The following CPAMD8 variants were observed in gnomAD, a reference collection of about 807,000 sequenced individuals.
CPAMD8 encodes the protein C3 and PZP-like alpha-2-macroglobulin domain-containing protein 8.
CPAMD8 carries 146 observed loss-of-function variants against 224.7 expected under a neutral mutation model. The observed-to-expected ratio is 0.65, with a 90% CI of 0.57 to 0.75. CPAMD8 has a LOEUF of 0.75. Among genes scored for constraint, CPAMD8 ranks in the 30% least tolerant of loss-of-function variants. The pLI is 0.00. For missense variants in CPAMD8, 2,301 were observed against 2,537.5 expected (o/e 0.91, Z 2.00); for synonymous variants, 966 against 1,044.6 (o/e 0.92, Z 1.45).
chr19:16,929,237 C>G lies in CPAMD8; in HGVS notation c.2849G>C (p.Arg950Thr). The G allele has an allele frequency of 6.3e-7, 1 of 1,598,022 alleles. No homozygotes were observed. Among genetic ancestry groups the G allele is most frequent in the Non-Finnish European group, 8.6e-7 (1 of 1,168,396 alleles). The part of the protein sequence containing the change: ...TYSAFFCPSE[R>T]VHISTPNKYE... Reference sequence around the variant, plus strand: ...CTTGTTGGGGGTGGAGATGTGGACTCTCTCTGGATGGAGGAAAGGAGATGG... The same window carrying G: ...CTTGTTGGGGGTGGAGATGTGGACTGTCTCTGGATGGAGGAAAGGAGATGG... Residue 950 changes from arginine (R) to threonine (T), a missense_variant, in exon 24 of 42, where the codon AGA becomes ACA. By Grantham distance (71) the Arg-to-Thr change is moderately conservative. Around this residue, in one of 4 missense-constraint regions of CPAMD8, gnomAD observed 1,709 missense variants for 1,753.2 expected, o/e 0.97. Coordinates refer to ENST00000443236, the MANE Select transcript of CPAMD8 (RefSeq NM_015692.5).
chr19:16,967,866 T>C (rs2054888199), intron 18 of CPAMD8, among the ~76,000 whole-genome samples: 1 of 137,552 alleles, frequency 7.3e-6, no homozygotes, highest in Non-Finnish European at 1.6e-5. Context: ...TATATACTTG[T>C]ATATATGTGC....
intron 8 of CPAMD8, among the ~76,000 whole-genome samples, chr19:17,004,055 G>A (rs1157063803): frequency 2.0e-5 from 3 of 151,820 alleles, no homozygotes; most frequent in African/African-American, 4.8e-5. Flanking sequence ...ACAGGTGCGC[G>A]CCACCACGCC....
intron 11 of CPAMD8, among the ~76,000 whole-genome samples, chr19:16,994,775 C>T (rs1599867694): frequency 6.6e-6 from 1 of 152,222 alleles, no homozygotes; most frequent in East Asian, 1.9e-4. Context: ...CCACCTTGGT[C>T]TCCCAAAGTG....
intron 10 of CPAMD8, 56 bp from the exon 11 acceptor site, chr19:16,997,394 G>T: frequency 9.6e-7 from 1 of 1,044,372 alleles, no homozygotes; most frequent in Non-Finnish European, 1.5e-6. Flanking sequence ...GTCTTTGAGG[G>T]ATGTCCCTGA....
At chr19:16,932,575 T>C (rs2053576413) in intron 23 of CPAMD8, among the ~76,000 whole-genome samples, 1 of 150,594 alleles carries the variant, frequency 6.6e-6, no homozygotes, top group African/African-American at 2.5e-5. Context: ...ATAGGAAGCT[T>C]CAATAATAAA....
At chr19:17,001,412 A>AGGGC (rs1397745299) in intron 9 of CPAMD8, among the ~76,000 whole-genome samples, 1 of 67,078 alleles carries the variant, frequency 1.5e-5, no homozygotes, top group Non-Finnish European at 2.9e-5. Context: ...AGGCCTGCAG[A>AGGGC]GGGCGGGGAG....
At position 16,943,064 on chromosome 19, in the gene CPAMD8, G is replaced by A. The variant is rs59747524; in HGVS notation, c.2793+2485C>T. 9.8e-3 allele frequency among the ~76,000 whole-genome samples: 1,397 copies of A among 142,832 alleles called. 29 individuals are homozygous for A. Among genetic ancestry groups the A allele is most frequent in the African/African-American group, 0.035 (1,308 of 37,564 alleles). The allele number at this position is 142,832 out of a possible 152,430, so 93.7% of individuals were successfully genotyped here. On this transcript the variant is annotated intron_variant, in intron 22 of 41. Coordinates refer to ENST00000443236, the MANE Select transcript of CPAMD8 (RefSeq NM_015692.5). Reference sequence around the variant, plus strand: ...GCTCTCTCACCCAGGCTAGAGTGCAGTGTTGCAAGAGTCCCTCTGTTGCTT... The same window carrying A: ...GCTCTCTCACCCAGGCTAGAGTGCAATGTTGCAAGAGTCCCTCTGTTGCTT...
chr19:16,928,111 A>T lies in CPAMD8; in HGVS notation c.3268T>A (p.Trp1090Arg). 1 of 1,614,066 alleles carries T rather than the reference A, an allele frequency of 6.2e-7. No individual in the cohort carries two copies. Among genetic ancestry groups the T allele is most frequent in the Non-Finnish European group, 8.5e-7 (1 of 1,180,020 alleles). ...GWGSMGEFRI[W>R]RKMEVDESYS... is the part of the protein sequence containing the mutation. ...CTCTCGTCCACCTCCATCTTCCTCC[A>T]GATTCGGAATTCACCCATGGAGCCC... Residue 1090 changes from tryptophan to arginine, a missense_variant, in exon 25 of 42, where the codon TGG (tryptophan) becomes AGG (arginine). By Grantham distance (101) the Trp-to-Arg change is moderately radical (BLOSUM62 -3). This residue lies in a region of CPAMD8 where 1,709 missense variants were observed against 1,753.2 expected (regional missense o/e 0.97). Coordinates refer to ENST00000443236, the MANE Select transcript of CPAMD8 (RefSeq NM_015692.5).
At chr19:16,916,330 G>C (rs1023427533) in intron 27 of CPAMD8, among the ~76,000 whole-genome samples, 1 of 151,958 alleles carries the variant, frequency 6.6e-6, no homozygotes, top group Non-Finnish European at 1.5e-5. Flanking sequence ...CTGCCTCTCA[G>C]GGTCAAGCAA....
chr19:16,907,072 C>T lies in CPAMD8; in HGVS notation c.3907G>A (p.Ala1303Thr), dbSNP rs769491204. The change falls in exon 30 of 42, where the codon GCT becomes ACT. Residue 1303 changes from alanine (A) to threonine (T), a missense_variant. Ala to Thr is a moderately conservative substitution (Grantham distance 58). This residue lies in a region of CPAMD8 where 1,709 missense variants were observed against 1,753.2 expected (regional missense o/e 0.97). Transcript: ENST00000443236. ...TDKARHFLES[A>T]APLAMDPYSC... is the part of the protein sequence containing the mutation. ...TAAGGGTCCATGGCCAGGGGCGCAG[C>T]AGACTCCAGGAAGTGCCTCGCTTTG... 6.3e-7 allele frequency: 1 copy of T among 1,596,918 alleles called. No individual in the cohort carries two copies. Among genetic ancestry groups the T allele is most frequent in the Non-Finnish European group, 8.5e-7 (1 of 1,171,444 alleles).
intron 18 of CPAMD8, among the ~76,000 whole-genome samples, chr19:16,964,472 C>T (rs1024030843): frequency 8.5e-5 from 13 of 152,132 alleles, no homozygotes; most frequent in African/African-American, 2.2e-4. Context: ...CACATACACC[C>T]TCCCAAGACT....
At chr19:16,942,307 C>CA (rs1355959743) in intron 22 of CPAMD8, among the ~76,000 whole-genome samples, 4 of 151,980 alleles carry the variant, frequency 2.6e-5, no homozygotes, top group Non-Finnish European at 4.4e-5. Context: ...ACTAAAAATA[C>CA]AAAAATTAGC....
At chr19:16,928,739 G>A (rs980333486) in intron 24 of CPAMD8, among the ~76,000 whole-genome samples, 1 of 149,170 alleles carries the variant, frequency 6.7e-6, no homozygotes, top group South Asian at 2.1e-4. Context: ...TGATCCTTGG[G>A]TGCTTCCTCT....
At chr19:17,002,941 T>C (rs2056379012) in intron 8 of CPAMD8, among the ~76,000 whole-genome samples, 2 of 151,482 alleles carry the variant, frequency 1.3e-5, no homozygotes, top group Non-Finnish European at 2.9e-5. Context: ...TGTCACTGTG[T>C]TTCCCAGGTT....
At chr19:16,933,627 C>T (rs2053606546) in intron 23 of CPAMD8, among the ~76,000 whole-genome samples, 1 of 151,940 alleles carries the variant, frequency 6.6e-6, no homozygotes, top group Non-Finnish European at 1.5e-5. Context: ...CAAGCTGAAA[C>T]CACAGGGAGA....
At chr19:16,931,743 G>T (rs1391032918) in intron 23 of CPAMD8, among the ~76,000 whole-genome samples, 1 of 152,144 alleles carries the variant, frequency 6.6e-6, no homozygotes, top group Non-Finnish European at 1.5e-5. Context: ...GGTCCATCTG[G>T]CTTCCCCATC....
At chr19:16,977,118 G>A (rs868348658) in intron 15 of CPAMD8, among the ~76,000 whole-genome samples, 19 of 152,136 alleles carry the variant, frequency 1.2e-4, no homozygotes, top group South Asian at 8.3e-4. Flanking sequence ...AACAAGTGCT[G>A]TCCCTTAAAT....
At chr19:16,964,724 A>G (rs2054769448) in intron 18 of CPAMD8, among the ~76,000 whole-genome samples, 1 of 152,188 alleles carries the variant, frequency 6.6e-6, no homozygotes, top group Non-Finnish European at 1.5e-5. Context: ...AGCCTGGCAG[A>G]GACACAACAA....
intron 25 of CPAMD8, among the ~76,000 whole-genome samples, chr19:16,927,487 T>C (rs1464216866): frequency 1.3e-5 from 2 of 152,054 alleles, no homozygotes; most frequent in East Asian, 1.9e-4. Flanking sequence ...AACAGACTAA[T>C]ACACATCCCA....
Sources: allele counts gnomAD v4.1 joint callset (sites outside exome capture counted in the v4.1 genomes callset), GRCh38; gene constraint gnomAD v4.1.1; regional missense constraint gnomAD v4.1.1; transcripts MANE v1.5; gene names NCBI Gene and HGNC (gene_info 2026-07-23, HGNC 2026-07-21).